WDR25: variants seen among roughly 807,000 people sequenced by gnomAD.
The protein encoded by WDR25 is WD repeat-containing protein 25.
Under a neutral mutation model 47.7 loss-of-function variants are expected in WDR25, and 35 were observed. The ratio of observed to expected loss-of-function variants is 0.73; its 90% CI spans 0.56 to 0.97. WDR25 has a LOEUF of 0.97. Ranked by LOEUF, WDR25 falls within the 50% of genes least tolerant of loss-of-function variation. The pLI, the probability that WDR25 is intolerant of heterozygous loss-of-function variation, is 0.00. For missense variants in WDR25, 634 were observed against 704.7 expected (o/e 0.90, Z 1.14); for synonymous variants, 248 against 278.9 (o/e 0.89, Z 1.10).
chr14:100,415,062 G>T (rs1366106266), intron 2 of WDR25, among the ~76,000 whole-genome samples: 1 of 152,094 alleles, frequency 6.6e-6, no homozygotes, highest in African/African-American at 2.4e-5. Flanking sequence ...CAGTGAAGGG[G>T]CTAGCTCTCA....
At position 100,523,469 on chromosome 14, in the gene WDR25, G is replaced by A. The variant is rs1040276338; in HGVS notation, c.1102-2401G>A. ...CAGTCCTTCTTCTTTCTGAGGACCA[G>A]GAGTACTTAGAGGCTCAGAGGTGTG... On this transcript the variant is annotated intron_variant, in intron 4 of 6. Coordinates refer to ENST00000402312, the MANE Select transcript of WDR25 (RefSeq NM_001161476.3). The surrounding 1 kb of genome is among the most constrained non-coding windows in gnomAD (Gnocchi z 4.7). 6.6e-6 allele frequency among the ~76,000 whole-genome samples: 1 copy of A among 152,170 alleles called. No individual in the cohort carries two copies. Among genetic ancestry groups the A allele is most frequent in the Non-Finnish European group, 1.5e-5 (1 of 68,030 alleles).
intron 4 of WDR25, among the ~76,000 whole-genome samples, chr14:100,504,070 A>G (rs747735967): frequency 3.9e-5 from 6 of 152,338 alleles, no homozygotes; most frequent in Middle Eastern, 3.4e-3. Flanking sequence ...CCATTTCCCA[A>G]TAGTCTCCAC....
At chr14:100,411,344 A>T (rs1897702231) in intron 2 of WDR25, among the ~76,000 whole-genome samples, 1 of 152,122 alleles carries the variant, frequency 6.6e-6, no homozygotes, top group South Asian at 2.1e-4. Context: ...CCTTAGTGCC[A>T]CTGTCACATT....
chr14:100,378,149 T>A (rs1043647215), intron 1 of WDR25, among the ~76,000 whole-genome samples: 8 of 149,632 alleles, frequency 5.3e-5, no homozygotes, highest in African/African-American at 1.7e-4. Flanking sequence ...GTATTGTGTA[T>A]GATGGTTCAG....
At chr14:100,439,791 T>G (rs1898613101) in intron 2 of WDR25, among the ~76,000 whole-genome samples, 1 of 152,218 alleles carries the variant, frequency 6.6e-6, no homozygotes, top group Admixed American at 6.5e-5. Flanking sequence ...CTCTCCATAT[T>G]TTCTCCATTC....
chr14:100,381,887 G>A (rs1896911018), intron 2 of WDR25, 141 bp downstream of exon 2: 2 of 743,246 alleles, frequency 2.7e-6, no homozygotes. Flanking sequence ...ATTCCAGAAA[G>A]GGTCATCTGT....
chr14:100,465,107 C>T lies in WDR25; in HGVS notation c.823-2914C>T, dbSNP rs143009335. Among the ~76,000 whole-genome samples the T allele has an allele frequency of 7.1e-4, 108 of 152,164 alleles. 1 individual carries two copies. Among genetic ancestry groups the T allele is most frequent in the African/African-American group, 2.4e-3 (101 of 41,520 alleles). On this transcript the variant is annotated intron_variant, in intron 2 of 6. Transcript: ENST00000402312. The stretch of plus-strand genomic sequence containing the variant: ...CCTAGGAGTGATGGCCCTCCTCATG[C>T]ATGTTTTTATAGCCTGGCTACAAAT...
At chr14:100,431,316 C>A (rs1349526123) in intron 2 of WDR25, among the ~76,000 whole-genome samples, 6 of 152,000 alleles carry the variant, frequency 3.9e-5, no homozygotes, top group Admixed American at 6.6e-5. Context: ...TACTTTAATT[C>A]CCTAGTTAAC....
intron 2 of WDR25, among the ~76,000 whole-genome samples, chr14:100,403,461 G>A (rs1210745236): frequency 6.6e-6 from 1 of 152,224 alleles, no homozygotes; most frequent in African/African-American, 2.4e-5. Context: ...TTTGAGCCAT[G>A]GCTCTTTCTA....
chr14:100,481,508 T>C (rs943001439), intron 3 of WDR25, among the ~76,000 whole-genome samples: 1 of 150,976 alleles, frequency 6.6e-6, no homozygotes, highest in African/African-American at 2.4e-5. Context: ...CAGAAAATAG[T>C]GTGGGATATT....
At chr14:100,441,491 G>A (rs1425290168) in intron 2 of WDR25, among the ~76,000 whole-genome samples, 1 of 152,132 alleles carries the variant, frequency 6.6e-6, no homozygotes, top group Admixed American at 6.5e-5. Context: ...GCTGGAAGTG[G>A]CAGTGCCCAG....
rs368120202 is a variant in WDR25, at chr14:100,381,785, T to C, written c.822+39T>C. ...GAAAACTTCTGCTTTCAGATGCTCT[T>C]AGGAATACACTGCTGGAATAATAGT... On this transcript the variant is annotated intron_variant, in intron 2 of 6. Transcript: ENST00000402312. 3 of 1,493,458 alleles carry C rather than the reference T, an allele frequency of 2.0e-6. No individual in the cohort carries two copies. In the South Asian group the frequency reaches 3.8e-5, roughly 19 times the overall value. The allele number at this position is 1,493,458 out of a possible 1,614,324, so 92.5% of individuals were successfully genotyped here. A position where few individuals can be genotyped will look rare whatever the true frequency, so the allele number is the denominator to read the frequency against.
chr14:100,473,054 G>A (rs1899897753), intron 3 of WDR25, among the ~76,000 whole-genome samples: 1 of 152,248 alleles, frequency 6.6e-6, no homozygotes, highest in Non-Finnish European at 1.5e-5. Flanking sequence ...TTTCCAAGAG[G>A]TGTCTTCTTG....
At chr14:100,447,648 G>A (rs1205631717) in intron 2 of WDR25, among the ~76,000 whole-genome samples, 2 of 152,178 alleles carry the variant, frequency 1.3e-5, no homozygotes, top group Non-Finnish European at 2.9e-5. Context: ...TGAGCAGGGT[G>A]GGGGAGGCAG....
Position 100,381,775 on chromosome 14 carries a change from C to G in WDR25, c.822+29C>G, listed in dbSNP as rs1896908435. On this transcript the variant is annotated intron_variant, in intron 2 of 6. Transcript: ENST00000402312. ...AGACTTGAATGAAAACTTCTGCTTT[C>G]AGATGCTCTTAGGAATACACTGCTG... 7 of 1,540,050 alleles carry G rather than the reference C, an allele frequency of 4.5e-6. No individual in the cohort carries two copies. In the East Asian group the frequency reaches 1.6e-4, roughly 35 times the overall value.
rs1899752445 is a variant in WDR25 at position 100,469,362 on chromosome 14, C to A, written c.970+1194C>A. On this transcript the variant is annotated intron_variant, in intron 3 of 6. Transcript: ENST00000402312. ...GGACAGTACTAATGGTCACAGGGCC[C>A]CTGCCACGTGCTATAGGCTTTGCAC... is the stretch of plus-strand genomic sequence containing the variant. Among the ~76,000 whole-genome samples the A allele has an allele frequency of 3.9e-5, 6 of 152,292 alleles. No homozygotes were observed. In the South Asian group the frequency reaches 1.2e-3, roughly 32 times the overall value.
intron 2 of WDR25, among the ~76,000 whole-genome samples, chr14:100,389,414 C>T (rs1405780132): frequency 6.6e-6 from 1 of 152,228 alleles, no homozygotes; most frequent in Non-Finnish European, 1.5e-5. Context: ...TCATTCCAAC[C>T]TTTTAAGGTT....
intron 4 of WDR25, among the ~76,000 whole-genome samples, chr14:100,489,718 T>C (rs151247924): frequency 1.2e-3 from 178 of 152,260 alleles, no homozygotes; most frequent in Admixed American, 3.5e-3. Context: ...AGGGTGACAT[T>C]GGGCAGGCTA....
At chr14:100,380,016 C>T (rs1255113929) in intron 1 of WDR25, among the ~76,000 whole-genome samples, 1 of 150,694 alleles carries the variant, frequency 6.6e-6, no homozygotes, top group Non-Finnish European at 1.5e-5. Context: ...GCTGGGATTA[C>T]AGGCATGAAC....
Sources: gnomAD v4.1 joint callset for allele counts (sites outside exome capture counted in the v4.1 genomes callset) on GRCh38, gnomAD v4.1.1 for gene constraint, Gnocchi (gnomAD v3.1) non-coding constraint, MANE v1.5 for transcripts, NCBI Gene and HGNC (gene_info 2026-07-23, HGNC 2026-07-21) for gene names.